Variants in YAP1 observed in about 807,000 individuals in gnomAD.
YAP1 encodes transcriptional coactivator YAP1.
In YAP1, 5 loss-of-function variants were observed where a neutral mutation model predicts 56.9. That is an observed-to-expected ratio of 0.09 (90% CI 0.05 to 0.18). The LOEUF (loss-of-function observed/expected upper bound fraction) is 0.18, where lower values mean the gene tolerates loss of function less well. YAP1 is among the 10% of genes least tolerant of loss of function. The pLI is 1.00. For missense variants in YAP1, 539 were observed against 651.8 expected, an observed-to-expected ratio of 0.83 and a Z score of 1.88; for synonymous variants, 265 against 248.1, an observed-to-expected ratio of 1.07 and a Z score of -0.64.
At chr11:102,139,444 C>A (rs988431408) in intron 2 of YAP1, among the ~76,000 whole-genome samples, 3 of 152,144 alleles carry the variant, frequency 2.0e-5, no homozygotes, top group African/African-American at 7.2e-5. Context: ...GGAGTGAGTT[C>A]AAAACTACTG....
chr11:102,116,792 G>A (rs1250277919), intron 2 of YAP1, among the ~76,000 whole-genome samples: 4 of 152,094 alleles, frequency 2.6e-5, no homozygotes, highest in Non-Finnish European at 5.9e-5. Context: ...TTCCATGGAA[G>A]AATTTTCTTA....
rs553350851 is a variant in YAP1, at chr11:102,156,022, C to T, written c.573-6434C>T. ...ATGAGGTCAGAGTTGGTACCCATCA[C>T]ATTTGTTTCATCTTCACAGTTTTTT... is the stretch of plus-strand genomic sequence containing the variant. On this transcript the variant is annotated intron_variant, in intron 2 of 8. Transcript: ENST00000282441. Among the ~76,000 whole-genome samples the T allele has an allele frequency of 2.6e-5, 4 of 151,364 alleles. No individual in the cohort carries two copies. In the South Asian group the frequency reaches 6.3e-4, roughly 24 times the overall value.
chr11:102,124,443 A>G (rs1943905192), intron 2 of YAP1, among the ~76,000 whole-genome samples: 3 of 152,306 alleles, frequency 2.0e-5, no homozygotes, highest in Admixed American at 1.3e-4. Context: ...AATATGGATG[A>G]TGCCCCTCAA....
chr11:102,175,783 G>T (rs971315368), intron 3 of YAP1, among the ~76,000 whole-genome samples: 1 of 152,118 alleles, frequency 6.6e-6, no homozygotes, highest in African/African-American at 2.4e-5. Context: ...GTAATGCATT[G>T]CACTATAACA....
intron 8 of YAP1, among the ~76,000 whole-genome samples, 191 bp downstream of exon 8, chr11:102,227,772 T>C (rs368587649): frequency 4.6e-4 from 70 of 152,310 alleles, no homozygotes; most frequent in African/African-American, 1.5e-3. Context: ...TTTAAAAAAA[T>C]ATATATCATG....
At chr11:102,125,410 A>C (rs1255303456) in intron 2 of YAP1, among the ~76,000 whole-genome samples, 2 of 109,616 alleles carry the variant, frequency 1.8e-5, no homozygotes, top group South Asian at 2.8e-4. Context: ...AGAGCTTCGC[A>C]CTGTTGCCCA....
chr11:102,116,215 CTTGTCA>C (rs1294879962), intron 2 of YAP1, among the ~76,000 whole-genome samples: 3 of 152,028 alleles, frequency 2.0e-5, no homozygotes, highest in African/African-American at 7.2e-5. Flanking sequence ...AACTTTTTTC[CTTGTCA>C]TTATTTCCTA....
chr11:102,168,475 G>T (rs1459352357), intron 3 of YAP1, among the ~76,000 whole-genome samples: 1 of 152,080 alleles, frequency 6.6e-6, no homozygotes, highest in Non-Finnish European at 1.5e-5. Flanking sequence ...ACATTTTAGA[G>T]AATTCATTAT....
At chr11:102,174,267 A>T (rs1947098194) in intron 3 of YAP1, among the ~76,000 whole-genome samples, 1 of 152,130 alleles carries the variant, frequency 6.6e-6, no homozygotes, top group South Asian at 2.1e-4. Context: ...TTAATATAAA[A>T]ACCCTGCAAA....
At chr11:102,192,723 A>C (rs1283137883) in intron 4 of YAP1, among the ~76,000 whole-genome samples, 1 of 152,214 alleles carries the variant, frequency 6.6e-6, no homozygotes, top group Non-Finnish European at 1.5e-5. Flanking sequence ...GCTTAAGGTT[A>C]CTTCTCAATA....
At chr11:102,161,389 A>G (rs1250294117) in intron 2 of YAP1, among the ~76,000 whole-genome samples, 1 of 140,968 alleles carries the variant, frequency 7.1e-6, no homozygotes, top group African/African-American at 2.7e-5. Context: ...CACACACACT[A>G]AACAATTAGC....
intron 2 of YAP1, among the ~76,000 whole-genome samples, chr11:102,129,303 A>G (rs960518613): frequency 6.6e-6 from 1 of 152,116 alleles, no homozygotes; most frequent in African/African-American, 2.4e-5. Flanking sequence ...TTAGAATTTC[A>G]TGAAGACTGG....
At chr11:102,187,422 A>C (rs1176058376) in intron 4 of YAP1, among the ~76,000 whole-genome samples, 1 of 152,196 alleles carries the variant, frequency 6.6e-6, no homozygotes. Flanking sequence ...TCTGTTTACT[A>C]TTTGAATTAG....
intron 2 of YAP1, among the ~76,000 whole-genome samples, chr11:102,133,284 T>C (rs950464916): frequency 3.9e-5 from 6 of 152,212 alleles, no homozygotes; most frequent in Non-Finnish European, 8.8e-5. Context: ...AATAAAACTC[T>C]TGTGGCACAC....
intron 3 of YAP1, among the ~76,000 whole-genome samples, chr11:102,166,739 A>G (rs1439909215): frequency 1.3e-5 from 2 of 152,178 alleles, no homozygotes; most frequent in East Asian, 1.9e-4. Flanking sequence ...CTTGATTTAC[A>G]TTTTTATTAC....
At chr11:102,200,141 A>T (rs1002973832) in intron 4 of YAP1, among the ~76,000 whole-genome samples, 1 of 152,264 alleles carries the variant, frequency 6.6e-6, no homozygotes, top group South Asian at 2.1e-4. Context: ...TAAAGGCAGT[A>T]CTGCCGTACT....
intron 2 of YAP1, among the ~76,000 whole-genome samples, chr11:102,124,605 TA>T (rs1943914721): frequency 1.3e-5 from 2 of 152,244 alleles, no homozygotes; most frequent in Non-Finnish European, 2.9e-5. Context: ...GAATTCTTGC[TA>T]GTCAGGATAA....
chr11:102,118,928 A>G (rs1943477148), intron 2 of YAP1, among the ~76,000 whole-genome samples: 1 of 152,082 alleles, frequency 6.6e-6, no homozygotes, highest in Non-Finnish European at 1.5e-5. Context: ...TATCAAGTAT[A>G]ACCCAGAGTT....
chr11:102,163,536 C>T (rs959728132), intron 3 of YAP1, among the ~76,000 whole-genome samples: 4 of 152,172 alleles, frequency 2.6e-5, no homozygotes, highest in Admixed American at 6.5e-5. Context: ...CTGGCCCCCA[C>T]GCTTTACCCC....
Sources: gnomAD v4.1 joint callset for allele counts (sites outside exome capture counted in the v4.1 genomes callset) on GRCh38, gnomAD v4.1.1 for gene constraint, MANE v1.5 for transcripts, NCBI Gene and HGNC (gene_info 2026-07-23, HGNC 2026-07-21) for gene names.